Variants in ADAMTS9 observed in about 807,000 individuals in gnomAD.
ADAMTS9 encodes the protein A disintegrin and metalloproteinase with thrombospondin motifs 9.
ADAMTS9 carries 107 observed loss-of-function variants against 257.1 expected under a neutral mutation model. The ratio of observed to expected loss-of-function variants is 0.42; its 90% CI spans 0.36 to 0.49. The LOEUF (loss-of-function observed/expected upper bound fraction) is 0.49. Ranked by LOEUF, ADAMTS9 falls within the 20% of genes least tolerant of loss-of-function variation. The probability of loss-of-function intolerance (pLI) is 0.03; values close to 1 mark genes in which losing one functional copy is unlikely to be tolerated. For synonymous variants in ADAMTS9, 982 were observed against 880.9 expected (o/e 1.11, Z -2.03); for missense variants, 2,353 against 2,469.1 (o/e 0.95, Z 1.00).
At chr3:64,671,206 G>A (rs1283390335) in intron 3 of ADAMTS9, among the ~76,000 whole-genome samples, 1 of 152,150 alleles carries the variant, frequency 6.6e-6, no homozygotes, top group African/African-American at 2.4e-5. Flanking sequence ...AAAAAAGGAT[G>A]AAATTACTGA....
At chr3:64,549,339 G>T (rs1553701945) in intron 31 of ADAMTS9, among the ~76,000 whole-genome samples, 21 of 152,152 alleles carry the variant, frequency 1.4e-4, no homozygotes, top group Non-Finnish European at 8.8e-5. Context: ...TATGACTCAA[G>T]TCCCATAATA....
At chr3:64,519,877 T>C (rs1390656407) in intron 39 of ADAMTS9, among the ~76,000 whole-genome samples, 6 of 151,992 alleles carry the variant, frequency 3.9e-5, no homozygotes, top group Admixed American at 2.6e-4. Context: ...CTCCTAAGAA[T>C]GGGAACAAGA....
intron 37 of ADAMTS9, among the ~76,000 whole-genome samples, chr3:64,535,691 C>T (rs2083041113): frequency 6.6e-6 from 1 of 151,566 alleles, no homozygotes; most frequent in South Asian, 2.1e-4. Context: ...GTAGCTGGGA[C>T]TACAGGTGTG....
At chr3:64,540,449 C>G (rs540658597) in intron 36 of ADAMTS9, among the ~76,000 whole-genome samples, 22 of 152,216 alleles carry the variant, frequency 1.4e-4, no homozygotes, top group Admixed American at 1.2e-3. Flanking sequence ...TGAAATCAGC[C>G]CACACACAGG....
chr3:64,533,539 C>T (rs866991792), intron 37 of ADAMTS9, among the ~76,000 whole-genome samples: 1 of 152,222 alleles, frequency 6.6e-6, no homozygotes, highest in Non-Finnish European at 1.5e-5. Context: ...ATTAACTTCT[C>T]CAGGATACGG....
chr3:64,590,503 C>A (rs1470703481), intron 28 of ADAMTS9, among the ~76,000 whole-genome samples: 1 of 152,002 alleles, frequency 6.6e-6, no homozygotes, highest in Non-Finnish European at 1.5e-5. Flanking sequence ...CTGTACTGCT[C>A]AAAATATTCA....
intron 8 of ADAMTS9, among the ~76,000 whole-genome samples, chr3:64,653,198 C>T (rs367629358): frequency 3.9e-5 from 6 of 152,092 alleles, no homozygotes; most frequent in African/African-American, 1.4e-4. Flanking sequence ...TTGATCAAGT[C>T]CCACCGCCAC....
chr3:64,619,987 T>C (rs533199384), intron 19 of ADAMTS9, among the ~76,000 whole-genome samples: 1 of 152,234 alleles, frequency 6.6e-6, no homozygotes, highest in East Asian at 1.9e-4. Flanking sequence ...TATTGCCTAG[T>C]ATAAACGTCT....
At chr3:64,679,362 G>A (rs772960969) in intron 3 of ADAMTS9, among the ~76,000 whole-genome samples, 3 of 152,156 alleles carry the variant, frequency 2.0e-5, no homozygotes, top group Non-Finnish European at 4.4e-5. Context: ...GGTCATCATT[G>A]TGGACTAGCT....
At chr3:64,556,582 A>G (rs1314458633) in intron 30 of ADAMTS9, among the ~76,000 whole-genome samples, 2 of 152,116 alleles carry the variant, frequency 1.3e-5, no homozygotes, top group African/African-American at 2.4e-5. Context: ...TGGCCTCCCA[A>G]AGTGCTGGGA....
chr3:64,615,182 AGTTGTTTT>A, intron 21 of ADAMTS9, 131 bp downstream of exon 21: 1 of 977,442 alleles, frequency 1.0e-6, no homozygotes, highest in South Asian at 1.6e-5. Flanking sequence ...AGAGAACTGG[AGTTGTTTT>A]CTCAAGGGAG....
chr3:64,674,884 G>A (rs1015081202), intron 3 of ADAMTS9, among the ~76,000 whole-genome samples: 3 of 152,110 alleles, frequency 2.0e-5, no homozygotes, highest in Non-Finnish European at 4.4e-5. Context: ...AATTATTAAT[G>A]GGATCCAAGA....
intron 28 of ADAMTS9, among the ~76,000 whole-genome samples, chr3:64,581,218 T>A (rs1326183448): frequency 6.6e-6 from 1 of 152,204 alleles, no homozygotes; most frequent in African/African-American, 2.4e-5. Context: ...CACCTATATG[T>A]GCCACATCAG....
chr3:64,545,105 A>G (rs1318408079), intron 32 of ADAMTS9, among the ~76,000 whole-genome samples: 1 of 152,218 alleles, frequency 6.6e-6, no homozygotes, highest in African/African-American at 2.4e-5. Context: ...AAGTCAGGGA[A>G]CAACAGGTGC....
rs753242488 is a variant in ADAMTS9, at chr3:64,686,539, GGGAGAGGA to G, written c.516+21_516+28del. Reference sequence around the variant, plus strand: ...CTAGAAGCGGGCGAGGAGGCGGAAGGGGAGAGGAGGTGGCGCGCGCCCACTTACCATTC... The same window carrying G: ...CTAGAAGCGGGCGAGGAGGCGGAAGGGGTGGCGCGCGCCCACTTACCATTC... On this transcript the variant is annotated intron_variant, in intron 2 of 39. Transcript: ENST00000498707. This position sits in a 1 kb window ranked among gnomAD's most constrained non-coding sequence, Gnocchi z 4.6. 17 of 1,567,576 alleles carry G rather than the reference GGGAGAGGA, an allele frequency of 1.1e-5. No homozygotes were observed. The highest frequency in any genetic ancestry group is 1.4e-5 in the Non-Finnish European group (16 of 1,155,752).
At chr3:64,567,158 C>A (rs953822053) in intron 29 of ADAMTS9, among the ~76,000 whole-genome samples, 2 of 152,188 alleles carry the variant, frequency 1.3e-5, no homozygotes, top group Non-Finnish European at 2.9e-5. Flanking sequence ...ATTCAGGTTT[C>A]TGAAGGAATT....
intron 28 of ADAMTS9, among the ~76,000 whole-genome samples, chr3:64,593,712 C>A (rs764819510): frequency 1.3e-5 from 2 of 152,154 alleles, no homozygotes; most frequent in Non-Finnish European, 2.9e-5. Flanking sequence ...ACCAGGTCAC[C>A]TGTTCCATTT....
intron 33 of ADAMTS9, 85 bp from the exon 34 acceptor site, chr3:64,541,705 C>T (rs1016727759): frequency 5.1e-6 from 8 of 1,556,750 alleles, no homozygotes; most frequent in South Asian, 1.1e-5. Context: ...ATTGTTCGCA[C>T]TAAAACTTTT....
chr3:64,636,086 A>AT (rs11426129), intron 12 of ADAMTS9, among the ~76,000 whole-genome samples: 81,686 of 151,506 alleles, frequency 0.54, 23,490 homozygotes, highest in African/African-American at 0.75. Flanking sequence ...TTTTAAATTG[A>AT]TTTTTTTTGT....
Sources: allele counts gnomAD v4.1 joint callset (sites outside exome capture counted in the v4.1 genomes callset), GRCh38; gene constraint gnomAD v4.1.1; non-coding constraint Gnocchi (gnomAD v3.1); transcripts MANE v1.5; gene names NCBI Gene and HGNC (gene_info 2026-07-23, HGNC 2026-07-21).